The following RUNX1T1 variants were observed in gnomAD, a reference collection of about 807,000 sequenced individuals.
The protein encoded by RUNX1T1 is protein CBFA2T1.
A neutral mutation model predicts 62.8 loss-of-function variants in RUNX1T1; 4 were observed. That is an observed-to-expected ratio of 0.06 (90% CI 0.03 to 0.15). The LOEUF is 0.15. Among genes scored for constraint, RUNX1T1 ranks in the 10% least tolerant of loss-of-function variants. The pLI is 1.00. For synonymous variants in RUNX1T1, 291 were observed against 286.0 expected (o/e 1.02, Z -0.18); for missense variants, 508 against 754.3 (o/e 0.67, Z 3.82).
At chr8:92,008,106 C>A (rs1169413742) in intron 4 of RUNX1T1, among the ~76,000 whole-genome samples, 2 of 151,858 alleles carry the variant, frequency 1.3e-5, no homozygotes, top group Non-Finnish European at 2.9e-5. Context: ...ACTGTATATG[C>A]ATAAGATTTA....
At position 92,011,555 on chromosome 8, in the gene RUNX1T1, T is replaced by C. The variant is rs117656690; in HGVS notation, c.388-464A>G. Among the ~76,000 whole-genome samples, 1,113 of 152,354 alleles carry C rather than the reference T, an allele frequency of 7.3e-3. 8 individuals carry two copies. The highest frequency in any genetic ancestry group is 0.027 in the Middle Eastern group (8 of 294). On this transcript the variant is annotated intron_variant, in intron 3 of 10. Coordinates refer to ENST00000396218, the Ensembl canonical transcript of RUNX1T1. ...TGGAAATATTCTTCTCCTCCTCCTGTATTTCCATCTTGTATTCTTTCTTTG... is the reference window on the plus strand; with the variant it reads ...TGGAAATATTCTTCTCCTCCTCCTGCATTTCCATCTTGTATTCTTTCTTTG...
chr8:91,960,632 G>C, intron 10 of RUNX1T1, 115 bp from the exon 12 acceptor site: 1 of 1,152,704 alleles, frequency 8.7e-7, no homozygotes, highest in South Asian at 1.5e-5. Context: ...ATACAGTCAG[G>C]ATGAAAAATC....
chr8:92,099,149 ATAATT>A (rs1367654881), intron 1 of RUNX1T1, among the ~76,000 whole-genome samples: 2 of 152,244 alleles, frequency 1.3e-5, no homozygotes, highest in Non-Finnish European at 2.9e-5. Flanking sequence ...AAAGGCAAAC[ATAATT>A]TAACAAGTTG....
exon 10 of RUNX1T1, chr8:91,970,802 C>T (rs779494545): frequency 6.2e-7 from 1 of 1,613,208 alleles, no homozygotes; most frequent in Admixed American, 1.7e-5. Context: ...ACACGGCCTT[C>T]TGCAGCTCCG....
chr8:92,011,159 A>G, intron 3 of RUNX1T1, 68 bp from the exon 5 acceptor site: 1 of 850,354 alleles, frequency 1.2e-6, no homozygotes, highest in Non-Finnish European at 2.0e-6. Context: ...CAAACAAATT[A>G]ATTATTAAGA....
chr8:91,968,424 A>G (rs1812094378), intron 10 of RUNX1T1, among the ~76,000 whole-genome samples: 1 of 152,200 alleles, frequency 6.6e-6, no homozygotes, highest in Non-Finnish European at 1.5e-5. Flanking sequence ...AGAAATGAGA[A>G]CATTCATTTT....
At chr8:91,996,758 CTT>C (rs996604741) in intron 5 of RUNX1T1, among the ~76,000 whole-genome samples, 1 of 146,474 alleles carries the variant, frequency 6.8e-6, no homozygotes, top group African/African-American at 2.5e-5. Flanking sequence ...ATCTCAGGCT[CTT>C]TTTTTTTTTC....
chr8:91,955,304 G>A (rs1341498922), downstream of RUNX1T1: 2 of 224,412 alleles, frequency 8.9e-6, no homozygotes, highest in Admixed American at 1.1e-4. Context: ...CTATCTGCTA[G>A]TTTCTGGCCT....
intron 8 of RUNX1T1, 84 bp downstream of exon 9, chr8:91,986,039 CT>C: frequency 1.1e-6 from 1 of 946,240 alleles, no homozygotes; most frequent in South Asian, 1.3e-5. Context: ...CTTGCATATC[CT>C]TTAATTTTAA....
intron 6 of RUNX1T1, among the ~76,000 whole-genome samples, chr8:91,989,225 T>C (rs898783101): frequency 6.6e-6 from 1 of 152,220 alleles, no homozygotes; most frequent in African/African-American, 2.4e-5. Context: ...CTACACATAA[T>C]AGGCATTTAT....
chr8:91,972,661 A>T (rs1200716202), intron 9 of RUNX1T1, among the ~76,000 whole-genome samples: 1 of 152,046 alleles, frequency 6.6e-6, no homozygotes, highest in Non-Finnish European at 1.5e-5. Context: ...CAGAACAATA[A>T]TTTTTGCTTA....
At chr8:91,972,901 AT>A (rs891493590) in intron 9 of RUNX1T1, among the ~76,000 whole-genome samples, 24 of 151,960 alleles carry the variant, frequency 1.6e-4, no homozygotes, top group African/African-American at 5.8e-4. Context: ...TTTATGTTAG[AT>A]TTTTTCCAGT....
Position 91,985,863 on chromosome 8 carries a change from T to C in RUNX1T1, c.1198+261A>G, listed in dbSNP as rs571510110. 1.3e-4 allele frequency among the ~76,000 whole-genome samples: 20 copies of C among 152,258 alleles called. No homozygotes were observed. In the East Asian group the frequency reaches 3.7e-3, roughly 28 times the overall value. On this transcript the variant is annotated intron_variant, in intron 8 of 10. Coordinates refer to ENST00000396218, the Ensembl canonical transcript of RUNX1T1. Reference sequence around the variant, plus strand: ...GGAGCACAAGTTTTAGTTATGCACATGAAAATCTGGTTCAGTGCTGAAACG... The same window carrying C: ...GGAGCACAAGTTTTAGTTATGCACACGAAAATCTGGTTCAGTGCTGAAACG...
At chr8:91,966,993 C>T (rs368950794) in intron 10 of RUNX1T1, among the ~76,000 whole-genome samples, 1 of 152,154 alleles carries the variant, frequency 6.6e-6, no homozygotes, top group Non-Finnish European at 1.5e-5. Flanking sequence ...GCCTGAAAGT[C>T]GGGCTACCTG....
intron 8 of RUNX1T1, among the ~76,000 whole-genome samples, chr8:91,982,003 G>C (rs1169825164): frequency 6.6e-6 from 1 of 151,862 alleles, no homozygotes; most frequent in Non-Finnish European, 1.5e-5. Flanking sequence ...CTAGCACTTT[G>C]GGAGGCCGAG....
chr8:92,060,553 A>ATATATATATATATATATATATATATATG, intron 1 of RUNX1T1, among the ~76,000 whole-genome samples: 1 of 63,974 alleles, frequency 1.6e-5, no homozygotes, highest in Non-Finnish European at 3.2e-5. Context: ...ATATATATAT[A>ATATATATATATATATATATATATATATG]TGTGTGTGTG....
chr8:92,018,548 T>C (rs1823468573), intron 1 of RUNX1T1, among the ~76,000 whole-genome samples: 1 of 152,194 alleles, frequency 6.6e-6, no homozygotes, highest in Non-Finnish European at 1.5e-5. Context: ...ACTTGGGCTT[T>C]TAGAAAAGTG....
intron 1 of RUNX1T1, among the ~76,000 whole-genome samples, chr8:92,032,189 A>G (rs898875850): frequency 6.7e-6 from 1 of 148,660 alleles, no homozygotes; most frequent in Admixed American, 6.7e-5. Context: ...ACAGCAGAAT[A>G]AAAAAAAAAT....
intron 1 of RUNX1T1, among the ~76,000 whole-genome samples, chr8:92,061,035 C>T (rs567007872): frequency 5.3e-5 from 8 of 152,208 alleles, no homozygotes; most frequent in African/African-American, 1.9e-4. Flanking sequence ...GACTCTAAAT[C>T]CCTAAATATA....
Sources: allele counts gnomAD v4.1 joint callset (sites outside exome capture counted in the v4.1 genomes callset), GRCh38; gene constraint gnomAD v4.1.1; transcripts MANE v1.5; gene names NCBI Gene and HGNC (gene_info 2026-07-23, HGNC 2026-07-21).